PIP5K1A: variants seen among roughly 807,000 people sequenced by gnomAD.
The protein encoded by PIP5K1A is phosphatidylinositol 4-phosphate 5-kinase type-1 alpha.
In PIP5K1A, 46 loss-of-function variants were observed where a neutral mutation model predicts 72.9. The ratio of observed to expected loss-of-function variants is 0.63; its 90% CI spans 0.50 to 0.81. The LOEUF (loss-of-function observed/expected upper bound fraction) is 0.81, where lower values mean the gene tolerates loss of function less well. Ranked by LOEUF, PIP5K1A falls within the 30% of genes least tolerant of loss-of-function variation. PIP5K1A has a pLI of 0.00. For missense variants in PIP5K1A, 458 were observed against 706.1 expected (o/e 0.65, Z 3.98); for synonymous variants, 228 against 255.1 (o/e 0.89, Z 1.01).
chr1:151,205,730 G>A (rs1172902827), intron 1 of PIP5K1A, among the ~76,000 whole-genome samples: 13 of 152,006 alleles, frequency 8.6e-5, no homozygotes, highest in East Asian at 2.0e-4. Context: ...CCCAGGAGGC[G>A]GAGGTTGCAG....
intron 1 of PIP5K1A, among the ~76,000 whole-genome samples, chr1:151,206,452 C>T (rs1685939900): frequency 6.6e-6 from 1 of 151,902 alleles, no homozygotes; most frequent in Non-Finnish European, 1.5e-5. Context: ...TGGGGGTGGG[C>T]AAAGGGGAGG....
chr1:151,195,937 C>T (rs1684542743), upstream of PIP5K1A, among the ~76,000 whole-genome samples: 1 of 115,116 alleles, frequency 8.7e-6, no homozygotes, highest in Admixed American at 1.2e-4. Flanking sequence ...CTCTGTCGCC[C>T]AGGCTGCAGT....
Position 151,224,354 on chromosome 1 carries a change from A to T in PIP5K1A, c.121-17A>T, listed in dbSNP as rs1381406321. 1.2e-6 allele frequency: 2 copies of T among 1,610,116 alleles called. No homozygotes were observed. Among genetic ancestry groups the T allele is most frequent in the Non-Finnish European group, 8.5e-7 (1 of 1,176,808 alleles). On this transcript the variant is annotated splice_polypyrimidine_tract_variant and intron_variant, in intron 2 of 15. Transcript: ENST00000368888. ...GAAGGAACCTGTTTATGACATTTTT[A>T]TTTTTTCTCTACTTAGGTCTTGGAA...
chr1:151,246,766 T>G (rs1221034616), intron 14 of PIP5K1A, among the ~76,000 whole-genome samples, 154 bp from the exon 15 acceptor site: 1 of 152,218 alleles, frequency 6.6e-6, no homozygotes, highest in African/African-American at 2.4e-5. Flanking sequence ...ACAGTGTGCT[T>G]CTAAATCTAG....
chr1:151,202,990 A>G (rs1019473361), intron 1 of PIP5K1A, among the ~76,000 whole-genome samples: 2 of 151,996 alleles, frequency 1.3e-5, no homozygotes, highest in Non-Finnish European at 2.9e-5. Context: ...GCTGGTCTCA[A>G]ACTCCTGACC....
At chr1:151,219,113 G>A (rs1236726673) in intron 1 of PIP5K1A, among the ~76,000 whole-genome samples, 3 of 152,186 alleles carry the variant, frequency 2.0e-5, no homozygotes, top group Non-Finnish European at 4.4e-5. Context: ...GGGCACAATG[G>A]CTCACGCCTA....
chr1:151,230,002 G>A (rs1351186674), intron 4 of PIP5K1A, among the ~76,000 whole-genome samples: 1 of 152,154 alleles, frequency 6.6e-6, no homozygotes, highest in Non-Finnish European at 1.5e-5. Flanking sequence ...GCAGGAGAAT[G>A]GTGTCAACCA....
At chr1:151,201,715 A>C (rs587758565) in intron 1 of PIP5K1A, among the ~76,000 whole-genome samples, 8 of 152,196 alleles carry the variant, frequency 5.3e-5, no homozygotes, top group African/African-American at 9.6e-5. Flanking sequence ...CAAAAAAATT[A>C]GCCAGGCATG....
intron 1 of PIP5K1A, among the ~76,000 whole-genome samples, chr1:151,211,234 C>G (rs998800956): frequency 2.6e-5 from 4 of 152,318 alleles, no homozygotes; most frequent in African/African-American, 9.6e-5. Flanking sequence ...CACCTGTAGT[C>G]CCAGCACTTT....
chr1:151,214,183 T>A (rs587775744), intron 1 of PIP5K1A, among the ~76,000 whole-genome samples: 1 of 152,300 alleles, frequency 6.6e-6, no homozygotes, highest in South Asian at 2.1e-4. Flanking sequence ...TTCACTTAGA[T>A]TCTTTCCAAT....
rs1025987985 is a variant in PIP5K1A at position 151,248,560 on chromosome 1, CTT to C, written c.*697_*698del. Reference sequence around the variant, plus strand: ...GATTGCTCTGCCAGAAGCAGCTCCTCTTTAAACTCCTCCTCTCTTGATGAATT... The same window carrying C: ...GATTGCTCTGCCAGAAGCAGCTCCTCTAAACTCCTCCTCTCTTGATGAATT... On this transcript the variant is annotated 3_prime_UTR_variant, in exon 16 of 16. Coordinates refer to ENST00000368888, the MANE Select transcript of PIP5K1A (RefSeq NM_001135638.2). 6.6e-6 allele frequency: 1 copy of C among 152,586 alleles called. No homozygotes were observed. The highest frequency in any genetic ancestry group is 2.4e-5 in the African/African-American group (1 of 41,428). 9.5% of individuals were successfully genotyped at this position (152,586 alleles called of 1,614,324 possible).
chr1:151,241,205 T>C (rs1314485621), intron 12 of PIP5K1A, among the ~76,000 whole-genome samples: 1 of 150,162 alleles, frequency 6.7e-6, no homozygotes, highest in African/African-American at 2.5e-5. Flanking sequence ...TAGGATACTA[T>C]TAAAGAAAAA....
intron 12 of PIP5K1A, among the ~76,000 whole-genome samples, chr1:151,241,243 A>G (rs587661433): frequency 6.6e-6 from 1 of 152,162 alleles, no homozygotes; most frequent in South Asian, 2.1e-4. Flanking sequence ...GTCTCACACC[A>G]GTAATCCCAG....
At chr1:151,226,879 TAGTC>T (rs947811534) in intron 3 of PIP5K1A, among the ~76,000 whole-genome samples, 9 of 151,146 alleles carry the variant, frequency 6.0e-5, no homozygotes, top group African/African-American at 2.2e-4. Context: ...ATACAAAAAT[TAGTC>T]AGGTGTGGTG....
At chr1:151,236,387 G>C (rs889489959) in intron 8 of PIP5K1A, among the ~76,000 whole-genome samples, 171 bp from the exon 9 acceptor site, 1 of 151,924 alleles carries the variant, frequency 6.6e-6, no homozygotes, top group Admixed American at 6.6e-5. Context: ...GAAGTAGGTG[G>C]ATATTTTGAG....
intron 1 of PIP5K1A, among the ~76,000 whole-genome samples, chr1:151,200,296 G>GTTAA (rs1417268848): frequency 3.3e-5 from 5 of 151,952 alleles, no homozygotes; most frequent in Non-Finnish European, 5.9e-5. Context: ...ATGGAGCCAG[G>GTTAA]TTAATGTAGA....
chr1:151,198,221 A>G, upstream of PIP5K1A: 1 of 407,478 alleles, frequency 2.5e-6, no homozygotes, highest in South Asian at 1.8e-5. Flanking sequence ...GTGATATTCG[A>G]CACCTTAACG....
Position 151,248,330 on chromosome 1 carries a change from G to A in PIP5K1A, c.*465G>A, listed in dbSNP as rs1377216560. 2 of 158,074 alleles carry A rather than the reference G, an allele frequency of 1.3e-5. No individual in the cohort carries two copies. The highest frequency in any genetic ancestry group is 2.8e-5 in the Non-Finnish European group (2 of 72,232). 9.8% of individuals were successfully genotyped at this position (158,074 alleles called of 1,614,324 possible). A position where few individuals can be genotyped will look rare whatever the true frequency, so the allele number is the denominator to read the frequency against. ...CTCTGACTCCTGGAAGAATACTCCT[G>A]TAATCTCTGTAAAGGTTTTTGGGGG... is the stretch of plus-strand genomic sequence containing the variant. On this transcript the variant is annotated 3_prime_UTR_variant, in exon 16 of 16. Transcript: ENST00000368888.
At position 151,242,198 on chromosome 1, in the gene PIP5K1A, GCATTACTTACCAGC is replaced by G. The variant is rs759436115; in HGVS notation, c.1443_1456del (p.Thr482GlyfsTer25). 1 of 1,614,108 alleles carries G rather than the reference GCATTACTTACCAGC, an allele frequency of 6.2e-7. No homozygotes were observed. Among genetic ancestry groups the G allele is most frequent in the African/African-American group, 1.3e-5 (1 of 75,030 alleles). Reference sequence around the variant, plus strand: ...CGAGCAGGCTCCAGTGGCAACTCCTGCATTACTTACCAGCCATCGGTCTCTGGGGAACACAAGGC... The same window carrying G: ...CGAGCAGGCTCCAGTGGCAACTCCTGCATCGGTCTCTGGGGAACACAAGGC... On this transcript the variant is annotated frameshift_variant, in exon 13 of 16. Transcript: ENST00000368888. LOFTEE classifies it high-confidence loss of function.
Sources: gnomAD v4.1 joint callset for allele counts (sites outside exome capture counted in the v4.1 genomes callset) on GRCh38, gnomAD v4.1.1 for gene constraint, MANE v1.5 for transcripts, NCBI Gene and HGNC (gene_info 2026-07-23, HGNC 2026-07-21) for gene names.